Variants in PDE3B observed in about 807,000 individuals in gnomAD.
PDE3B encodes the protein cGMP-inhibited 3',5'-cyclic phosphodiesterase 3B.
In PDE3B, 66 loss-of-function variants were observed where a neutral mutation model predicts 116.8. That is an observed-to-expected ratio of 0.56 (90% CI 0.46 to 0.69). The LOEUF (loss-of-function observed/expected upper bound fraction) is 0.69. Among genes scored for constraint, PDE3B ranks in the 30% least tolerant of loss-of-function variants. The pLI is 0.00. For synonymous variants in PDE3B, 595 were observed against 533.6 expected (o/e 1.12, Z -1.59); for missense variants, 1,384 against 1,368.1 (o/e 1.01, Z -0.18).
the PDE3B span, among the ~76,000 whole-genome samples, chr11:14,897,409 A>T: frequency 6.6e-6 from 1 of 152,174 alleles, no homozygotes; most frequent in African/African-American, 2.4e-5. Context: ...GGAAACAAGA[A>T]GAGAGTGATC....
At chr11:14,734,111 G>A (rs1235340583) in intron 1 of PDE3B, among the ~76,000 whole-genome samples, 1 of 152,126 alleles carries the variant, frequency 6.6e-6, no homozygotes, top group Non-Finnish European at 1.5e-5. Context: ...TTGATCTGCT[G>A]CCCAGGCTGG....
chr11:14,806,126 G>A (rs1858911670), intron 5 of PDE3B, among the ~76,000 whole-genome samples: 1 of 152,140 alleles, frequency 6.6e-6, no homozygotes, highest in African/African-American at 2.4e-5. Context: ...ATTTGACCCA[G>A]CAATCCCATT....
At chr11:14,715,320 G>C (rs1855843866) in intron 1 of PDE3B, among the ~76,000 whole-genome samples, 1 of 152,146 alleles carries the variant, frequency 6.6e-6, no homozygotes, top group African/African-American at 2.4e-5. Flanking sequence ...GCTTGATGGG[G>C]ATGGCATTGG....
chr11:14,667,461 A>G lies in PDE3B; in HGVS notation c.978+22408A>G, dbSNP rs186271805. Reference sequence around the variant, plus strand: ...ATAATAATAAAATTAAATTAAATTAAAAAAAAGAAAATGTGGCACACATAC... The same window carrying G: ...ATAATAATAAAATTAAATTAAATTAGAAAAAAGAAAATGTGGCACACATAC... On this transcript the variant is annotated intron_variant, in intron 1 of 15. Coordinates refer to ENST00000282096, the MANE Select transcript of PDE3B (RefSeq NM_000922.4). 8.6e-4 allele frequency among the ~76,000 whole-genome samples: 129 copies of G among 150,680 alleles called. 2 individuals carry two copies. Among genetic ancestry groups the G allele is most frequent in the Admixed American group, 1.6e-3 (24 of 15,100 alleles).
chr11:14,765,165 A>T (rs1040791053), intron 1 of PDE3B, among the ~76,000 whole-genome samples: 1 of 152,072 alleles, frequency 6.6e-6, no homozygotes, highest in Admixed American at 6.6e-5. Flanking sequence ...GTAAAATGTC[A>T]TCAAGAAATG....
the PDE3B span, chr11:14,886,168 G>C: frequency 2.0e-6 from 1 of 490,288 alleles, no homozygotes; most frequent in Admixed American, 3.3e-5. Flanking sequence ...AAGGGTACTG[G>C]ACTCGGGAGG....
At chr11:14,738,418 T>G (rs532037837) in intron 1 of PDE3B, among the ~76,000 whole-genome samples, 1 of 152,350 alleles carries the variant, frequency 6.6e-6, no homozygotes, top group East Asian at 1.9e-4. Context: ...AAATGTCTTC[T>G]TTTGAGAAGT....
intron 1 of PDE3B, among the ~76,000 whole-genome samples, chr11:14,663,241 T>C (rs1383877191): frequency 6.6e-6 from 1 of 152,096 alleles, no homozygotes; most frequent in African/African-American, 2.4e-5. Context: ...TAAAATACTT[T>C]ACAGACAAGC....
chr11:14,662,610 TA>T (rs1853966887), intron 1 of PDE3B, among the ~76,000 whole-genome samples: 1 of 152,080 alleles, frequency 6.6e-6, no homozygotes, highest in African/African-American at 2.4e-5. Flanking sequence ...GAGAAGTGCT[TA>T]AAGGAGCTGA....
At chr11:14,811,012 G>A in intron 5 of PDE3B, among the ~76,000 whole-genome samples, 1 of 152,092 alleles carries the variant, frequency 6.6e-6, no homozygotes, top group South Asian at 2.1e-4. Flanking sequence ...TGTTGATGGG[G>A]TTGTTTGTTT....
intron 7 of PDE3B, among the ~76,000 whole-genome samples, chr11:14,826,139 T>A (rs1422040892): frequency 3.3e-5 from 5 of 152,190 alleles, no homozygotes; most frequent in African/African-American, 9.7e-5. Flanking sequence ...GGGAAATTTA[T>A]AGCACTAAGC....
At chr11:14,813,797 C>T (rs1229677918) in intron 5 of PDE3B, among the ~76,000 whole-genome samples, 1 of 152,026 alleles carries the variant, frequency 6.6e-6, no homozygotes, top group African/African-American at 2.4e-5. Context: ...AATATTGAAA[C>T]CTGACAAGGA....
At chr11:14,792,914 A>G (rs1858435445) in intron 4 of PDE3B, among the ~76,000 whole-genome samples, 2 of 152,182 alleles carry the variant, frequency 1.3e-5, no homozygotes, top group South Asian at 2.1e-4. Flanking sequence ...CTGAATTTCC[A>G]TAACACATTC....
chr11:14,809,701 T>TAA (rs1206063803), intron 5 of PDE3B, among the ~76,000 whole-genome samples: 1 of 152,068 alleles, frequency 6.6e-6, no homozygotes, highest in Non-Finnish European at 1.5e-5. Context: ...AGTGCTCTTA[T>TAA]AAAAGAGGCC....
intron 1 of PDE3B, among the ~76,000 whole-genome samples, chr11:14,668,114 G>T (rs1194824938): frequency 6.6e-6 from 1 of 151,914 alleles, no homozygotes; most frequent in Non-Finnish European, 1.5e-5. Context: ...AGACATCCAG[G>T]TAAGAGGACA....
chr11:14,647,926 G>GTT lies in PDE3B; in HGVS notation c.978+2887_978+2888dup, dbSNP rs34959387. Among the ~76,000 whole-genome samples the GTT allele has an allele frequency of 6.0e-3, 815 of 136,446 alleles. 3 individuals are homozygous for GTT. Among genetic ancestry groups the GTT allele is most frequent in the Non-Finnish European group, 9.6e-3 (598 of 62,518 alleles). 89.5% of individuals were successfully genotyped at this position (136,446 alleles called of 152,430 possible). ...TGTATCAGTTCAGTTCTTAACTAAG[G>GTT]TTTTTTTTTTTTTTTGGCAAAGCAT... On this transcript the variant is annotated intron_variant, in intron 1 of 15. Coordinates refer to ENST00000282096, the MANE Select transcript of PDE3B (RefSeq NM_000922.4).
intron 2 of PDE3B, among the ~76,000 whole-genome samples, chr11:14,783,721 C>G (rs1292438577): frequency 6.6e-6 from 1 of 151,888 alleles, no homozygotes; most frequent in Admixed American, 6.6e-5. Context: ...TGTAACAAAC[C>G]TGCACATTGT....
At chr11:14,762,153 A>C (rs919066033) in intron 1 of PDE3B, among the ~76,000 whole-genome samples, 1 of 148,298 alleles carries the variant, frequency 6.7e-6, no homozygotes, top group Non-Finnish European at 1.5e-5. Context: ...CGGATTTTAT[A>C]CTTTTTTTTT....
At chr11:14,726,540 T>C (rs1055925569) in intron 1 of PDE3B, among the ~76,000 whole-genome samples, 6 of 152,152 alleles carry the variant, frequency 3.9e-5, no homozygotes, top group Non-Finnish European at 8.8e-5. Context: ...CAAGAGATAG[T>C]ATGGAGCCAA....
Sources: gnomAD v4.1 joint callset for allele counts (sites outside exome capture counted in the v4.1 genomes callset) on GRCh38, gnomAD v4.1.1 for gene constraint, MANE v1.5 for transcripts, NCBI Gene and HGNC (gene_info 2026-07-23, HGNC 2026-07-21) for gene names.